The following LRRTM1 variants were observed in gnomAD, a reference collection of about 807,000 sequenced individuals.
The protein encoded by LRRTM1 is leucine-rich repeat transmembrane neuronal protein 1.
In LRRTM1, 8 loss-of-function variants were observed where a neutral mutation model predicts 37.3. That is an observed-to-expected ratio of 0.21 (90% CI 0.13 to 0.39). The LOEUF is 0.39. Among genes scored for constraint, LRRTM1 ranks in the 10% least tolerant of loss-of-function variants. LRRTM1 has a pLI of 1.00. For synonymous variants in LRRTM1, 326 were observed against 316.8 expected (o/e 1.03, Z -0.31); for missense variants, 557 against 691.0 (o/e 0.81, Z 2.17).
Position 80,302,071 on chromosome 2 carries a change from G to T in LRRTM1, c.*180C>A. 1 of 796,434 alleles carries T rather than the reference G, an allele frequency of 1.3e-6. No homozygotes were observed. The highest frequency in any genetic ancestry group is 1.9e-6 in the Non-Finnish European group (1 of 531,220). 49.3% of individuals were successfully genotyped at this position (796,434 alleles called of 1,614,324 possible). ...GGGGTTTTTTGTTGTGTTTTAATTC[G>T]CTTTTGTTTTTAAGACACAATAAAG... On this transcript the variant is annotated 3_prime_UTR_variant, in exon 2 of 2. Transcript: ENST00000295057. The surrounding 1 kb of genome is among the most constrained non-coding windows in gnomAD (Gnocchi z 6.4).
At position 80,302,452 on chromosome 2, in the gene LRRTM1, G is replaced by A; in HGVS notation, c.1368C>T (p.Ser456=). ...CAAAGCACTGTCTGAGCTGCCTGAGGCTGGCTGGGAAACACTTCCAGGACA... is the reference window on the plus strand; with the variant it reads ...CAAAGCACTGTCTGAGCTGCCTGAGACTGGCTGGGAAACACTTCCAGGACA... ...LYVSWKCFPA[S]LRQLRQCFVT... The change falls in exon 2 of 2, where the codon AGC becomes AGT. Residue 456 remains serine, a synonymous_variant. Coordinates refer to ENST00000295057, the MANE Select transcript of LRRTM1 (RefSeq NM_178839.5). This position sits in a 1 kb window ranked among gnomAD's most constrained non-coding sequence, Gnocchi z 6.4. 3 of 1,614,204 alleles carry A rather than the reference G, an allele frequency of 1.9e-6. No individual in the cohort carries two copies. Among genetic ancestry groups the A allele is most frequent in the Non-Finnish European group, 1.7e-6 (2 of 1,180,042 alleles).
downstream of LRRTM1, among the ~76,000 whole-genome samples, chr2:80,300,284 GTGTGTGTGTGTGTGTGTGT>G (rs1676154524): frequency 8.3e-5 from 1 of 12,090 alleles, no homozygotes; most frequent in Admixed American, 8.3e-4. Context: ...GTGTTGGGGT[GTGTGTGTGTGTGTGTGTGT>G]GTGTGTGTGT....
chr2:80,302,689 G>C lies in LRRTM1; in HGVS notation c.1131C>G (p.Ala377=). Residue 377 remains alanine (A), a synonymous_variant, in exon 2 of 2, where the codon GCC becomes GCG. Transcript: ENST00000295057. This position sits in a 1 kb window ranked among gnomAD's most constrained non-coding sequence, Gnocchi z 6.4. The part of the protein sequence containing the change: ...AEPTSGHLLS[A]VTNRSDLGPP... ...GCCCCAGATCACTGCGGTTGGTGAC[G>C]GCCGAGAGCAGGTGGCCGCTGGTGG... 8 of 1,612,464 alleles carry C rather than the reference G, an allele frequency of 5.0e-6. No individual in the cohort carries two copies. The highest frequency in any genetic ancestry group is 5.1e-6 in the Non-Finnish European group (6 of 1,179,744).
downstream of LRRTM1, among the ~76,000 whole-genome samples, chr2:80,301,153 G>A (rs1356486021): frequency 6.6e-6 from 1 of 152,148 alleles, no homozygotes; most frequent in Non-Finnish European, 1.5e-5. Flanking sequence ...TTACCCTGCA[G>A]GCATTCATCC....
chr2:80,289,970 G>A (rs1675097643), intron 2 of LRRTM1, among the ~76,000 whole-genome samples: 2 of 152,144 alleles, frequency 1.3e-5, no homozygotes, highest in African/African-American at 2.4e-5. Flanking sequence ...AAAAGTCACT[G>A]TGTGTGAGGG....
intron 2 of LRRTM1, among the ~76,000 whole-genome samples, chr2:80,295,238 T>TG (rs1209721791): frequency 3.9e-5 from 6 of 151,982 alleles, no homozygotes; most frequent in Non-Finnish European, 7.4e-5. Context: ...TTTTTTTTTT[T>TG]TGTGGGTAGG....
At position 80,302,423 on chromosome 2, in the gene LRRTM1, G is replaced by A; in HGVS notation, c.1397C>T (p.Thr466Met). 1 of 1,614,224 alleles carries A rather than the reference G, an allele frequency of 6.2e-7. No homozygotes were observed. The highest frequency in any genetic ancestry group is 1.1e-5 in the South Asian group (1 of 91,084). The change falls in exon 2 of 2, where the codon ACG (threonine) becomes ATG (methionine). Residue 466 changes from threonine to methionine, a missense_variant. Physicochemically the swap from Thr to Met is moderately conservative, Grantham distance 81. Coordinates refer to ENST00000295057, the MANE Select transcript of LRRTM1 (RefSeq NM_178839.5). The surrounding 1 kb of genome is among the most constrained non-coding windows in gnomAD (Gnocchi z 6.4). The part of the protein sequence containing the change: ...SLRQLRQCFV[T>M]QRRKQKQKQT... ...TTTCTGCTTTTGCTTCCTGCGCTGC[G>A]TGACAAAGCACTGTCTGAGCTGCCT... is the stretch of plus-strand genomic sequence containing the variant.
chr2:80,297,077 C>A (rs1425263845), downstream of LRRTM1, among the ~76,000 whole-genome samples: 3 of 152,176 alleles, frequency 2.0e-5, no homozygotes, highest in Admixed American at 6.5e-5. Context: ...GGAGAAGTCT[C>A]CTCTATTGGC....
rs745838006 is a variant in LRRTM1 at position 80,303,789 on chromosome 2, A to G, written c.31T>C (p.Tyr11His). MDFLLLGLCL[Y>H]WLLRRPSGVV... is the part of the protein sequence containing the mutation. ...CCCGAGGGCCTCCTCAGCAGCCAGTATAGACAGAGACCGAGCAGCAGGAAA... is the reference window on the plus strand; with the variant it reads ...CCCGAGGGCCTCCTCAGCAGCCAGTGTAGACAGAGACCGAGCAGCAGGAAA... Residue 11 changes from tyrosine to histidine, a missense_variant, in exon 2 of 2, where the codon TAC (tyrosine) becomes CAC (histidine). Transcript: ENST00000295057. The surrounding 1 kb of genome is among the most constrained non-coding windows in gnomAD (Gnocchi z 7.7). 5 of 1,535,476 alleles carry G rather than the reference A, an allele frequency of 3.3e-6. No individual in the cohort carries two copies. The highest frequency in any genetic ancestry group is 2.1e-5 in the Admixed American group (1 of 47,768).
Position 80,303,148 on chromosome 2 carries a change from C to T in LRRTM1, c.672G>A (p.Val224=). The T allele has an allele frequency of 6.2e-7, 1 of 1,614,122 alleles. No individual in the cohort carries two copies. The highest frequency in any genetic ancestry group is 8.5e-7 in the Non-Finnish European group (1 of 1,180,020). ...TGAGGCGCGGGAAGTGGGCGAAGTT[C>T]ACCTTGACCAAGTCGTTGTGCTCGA... ...LHLEHNDLVK[V]NFAHFPRLIS... Residue 224 remains valine (V), a synonymous_variant, in exon 2 of 2, where the codon GTG becomes GTA. Transcript: ENST00000295057. This position sits in a 1 kb window ranked among gnomAD's most constrained non-coding sequence, Gnocchi z 7.7.
chr2:80,293,786 T>C (rs544532983), intron 2 of LRRTM1, among the ~76,000 whole-genome samples: 16 of 152,260 alleles, frequency 1.1e-4, no homozygotes, highest in African/African-American at 3.9e-4. Context: ...TGCAGTGGAC[T>C]GAGTGGAAAG....
At chr2:80,292,017 A>C (rs950021326) in intron 2 of LRRTM1, among the ~76,000 whole-genome samples, 1 of 152,218 alleles carries the variant, frequency 6.6e-6, no homozygotes, top group Admixed American at 6.5e-5. Flanking sequence ...TCCCTCTTTT[A>C]GGCCCAGTGC....
chr2:80,303,823 C>T lies in LRRTM1; in HGVS notation c.-4G>A, dbSNP rs1170678008. On this transcript the variant is annotated 5_prime_UTR_variant, in exon 2 of 2. Transcript: ENST00000295057. This position sits in a 1 kb window ranked among gnomAD's most constrained non-coding sequence, Gnocchi z 7.7. Reference sequence around the variant, plus strand: ...GACCGAGCAGCAGGAAATCCATTAGCGAGAATCTTTCCAGAGAGACTGGAG... The same window carrying T: ...GACCGAGCAGCAGGAAATCCATTAGTGAGAATCTTTCCAGAGAGACTGGAG... 6.6e-7 allele frequency: 1 copy of T among 1,504,402 alleles called. No homozygotes were observed. Among genetic ancestry groups the T allele is most frequent in the Non-Finnish European group, 8.9e-7 (1 of 1,126,568 alleles). 93.2% of individuals were successfully genotyped at this position (1,504,402 alleles called of 1,614,324 possible).
intron 2 of LRRTM1, among the ~76,000 whole-genome samples, chr2:80,294,666 T>A (rs896030831): frequency 2.0e-5 from 3 of 151,702 alleles, no homozygotes; most frequent in African/African-American, 4.8e-5. Flanking sequence ...TAAAAATAAT[T>A]CTCCTCACCA....
At position 80,302,728 on chromosome 2, in the gene LRRTM1, C is replaced by G. The variant is rs1676460063; in HGVS notation, c.1092G>C (p.Glu364Asp). The G allele has an allele frequency of 6.2e-7, 1 of 1,612,936 alleles. No homozygotes were observed. Among genetic ancestry groups the G allele is most frequent in the Admixed American group, 1.7e-5 (1 of 59,976 alleles). ...LDAVYAFHLC[E>D]DGAEPTSGHL... ...GGCCGCTGGTGGGCTCGGCCCCATC[C>G]TCGCACAGGTGGAAGGCGTACACGG... The change falls in exon 2 of 2, where the codon GAG (glutamate) becomes GAC (aspartate). Residue 364 changes from glutamate to aspartate, a missense_variant. Glu to Asp is a conservative substitution (Grantham distance 45). Around this residue, in one of 5 missense-constraint regions of LRRTM1, gnomAD observed 89 missense variants for 80.7 expected, o/e 1.10. Transcript: ENST00000295057. The surrounding 1 kb of genome is among the most constrained non-coding windows in gnomAD (Gnocchi z 6.4).
exon 3 of LRRTM1, chr2:80,288,960 C>T (rs1455164449): frequency 2.6e-5 from 4 of 152,030 alleles, no homozygotes; most frequent in South Asian, 4.2e-4. Context: ...TCTCATGGGC[C>T]GACAGATATG....
chr2:80,300,268 G>A (rs1403157186), downstream of LRRTM1, among the ~76,000 whole-genome samples: 2 of 146,816 alleles, frequency 1.4e-5, no homozygotes, highest in African/African-American at 2.5e-5. Context: ...GGAAAAATGA[G>A]CTGGGGTGTT....
At chr2:80,290,679 A>G (rs574541666) in intron 2 of LRRTM1, among the ~76,000 whole-genome samples, 1 of 152,212 alleles carries the variant, frequency 6.6e-6, no homozygotes, top group African/African-American at 2.4e-5. Flanking sequence ...CTATATGTAT[A>G]TCTGTGGTTT....
chr2:80,292,713 T>C (rs1675374676), intron 2 of LRRTM1, among the ~76,000 whole-genome samples: 1 of 152,194 alleles, frequency 6.6e-6, no homozygotes, highest in South Asian at 2.1e-4. Context: ...GTGCAATCAT[T>C]TATAAGTTAA....
Sources: gnomAD v4.1 joint callset for allele counts (sites outside exome capture counted in the v4.1 genomes callset) on GRCh38, gnomAD v4.1.1 for gene constraint, gnomAD v4.1.1 regional missense constraint, Gnocchi (gnomAD v3.1) non-coding constraint, MANE v1.5 for transcripts, NCBI Gene and HGNC (gene_info 2026-07-23, HGNC 2026-07-21) for gene names.